Variants in MPIG6B observed in about 807,000 individuals in gnomAD.
The protein encoded by MPIG6B is megakaryocyte and platelet inhibitory receptor G6b, also known as immunoglobulin receptor.
Under a neutral mutation model 24.2 loss-of-function variants are expected in MPIG6B, and 22 were observed. The observed-to-expected ratio is 0.91, with a 90% confidence interval of 0.65 to 1.30. MPIG6B has a LOEUF of 1.30. Ranked by LOEUF, MPIG6B falls within the 50% of genes most tolerant of loss-of-function variation. The pLI is 0.00. For missense variants in MPIG6B, 301 were observed against 318.5 expected (o/e 0.94, Z 0.42); for synonymous variants, 136 against 142.0 (o/e 0.96, Z 0.30).
At position 31,723,831 on chromosome 6, in the gene MPIG6B, G is replaced by A. The variant is rs376515776; in HGVS notation, c.254G>A (p.Arg85His). ...PPLQPFVGRL[R>H]SLDSGIRRLE... ...CTCCAGCCTTTCGTCGGCCGCCTAC[G>A]CTCCCTGGACTCTGGTATCCGGCGG... Residue 85 changes from arginine to histidine, a missense_variant, in exon 2 of 6, where the codon CGC becomes CAC. Arg to His is a conservative substitution (Grantham distance 29, BLOSUM62 0). Coordinates refer to ENST00000649779, the MANE Select transcript of MPIG6B (RefSeq NM_138272.3). This position sits in a 1 kb window ranked among gnomAD's most constrained non-coding sequence, Gnocchi z 4.3. 25 of 1,613,010 alleles carry A rather than the reference G, an allele frequency of 1.5e-5. No homozygotes were observed. The highest frequency in any genetic ancestry group is 2.0e-5 in the Non-Finnish European group (24 of 1,179,628).
upstream of MPIG6B, chr6:31,721,828 T>C: frequency 1.3e-6 from 1 of 748,422 alleles, no homozygotes; most frequent in South Asian, 1.7e-5. Flanking sequence ...CCTTCTCACT[T>C]ACTACGCAGC....
Position 31,725,432 on chromosome 6 carries a change from A to G in MPIG6B, c.*358A>G. ...AAGCTCCGCCTGCCGGGTTCACACC[A>G]TTCTCCTGCCTCAGGCTCCTGAGTA... On this transcript the variant is annotated 3_prime_UTR_variant, in exon 6 of 6. Coordinates refer to ENST00000649779, the MANE Select transcript of MPIG6B (RefSeq NM_138272.3). This position sits in a 1 kb window ranked among gnomAD's most constrained non-coding sequence, Gnocchi z 5.2. The G allele has an allele frequency of 4.8e-6, 1 of 208,278 alleles. No homozygotes were observed. The highest frequency in any genetic ancestry group is 9.5e-6 in the Non-Finnish European group (1 of 105,348). The allele number at this position is 208,278 out of a possible 1,614,324, so 12.9% of individuals were successfully genotyped here.
intron 3 of MPIG6B, 28 bp from the exon 4 acceptor site, chr6:31,724,559 T>C: frequency 3.7e-6 from 6 of 1,603,594 alleles, no homozygotes; most frequent in Non-Finnish European, 5.1e-6. Context: ...AGACTGGTGG[T>C]TCTCAAAGAC....
rs1807234553 is a variant in MPIG6B at position 31,725,055 on chromosome 6, TC to T, written c.708del (p.Tyr237MetfsTer4). ...STADPADAST[I>X]YAVVV is the part of the protein sequence containing the mutation. Reference sequence around the variant, plus strand: ...GCGGACCCTGCTGATGCCTCCACCATCTATGCAGTTGTAGTTTGAAGGGAAG... The same window carrying T: ...GCGGACCCTGCTGATGCCTCCACCATTATGCAGTTGTAGTTTGAAGGGAAG... On this transcript the variant is annotated frameshift_variant, in exon 6 of 6. Transcript: ENST00000649779. LOFTEE classifies it high-confidence loss of function. This position sits in a 1 kb window ranked among gnomAD's most constrained non-coding sequence, Gnocchi z 5.2. 6.2e-7 allele frequency: 1 copy of T among 1,612,954 alleles called. No homozygotes were observed. The highest frequency in any genetic ancestry group is 1.3e-5 in the African/African-American group (1 of 74,884).
upstream of MPIG6B, chr6:31,723,292 C>G: frequency 1.9e-6 from 2 of 1,040,866 alleles, no homozygotes; most frequent in Non-Finnish European, 2.9e-6. This position sits in a 1 kb window ranked among gnomAD's most constrained non-coding sequence, Gnocchi z 4.3. Flanking sequence ...CCAGCCCCTC[C>G]GTTCTCCCCA....
At chr6:31,722,845 C>CAAAA (rs9281563), upstream of MPIG6B, among the ~76,000 whole-genome samples, 29 of 74,532 alleles carry the variant, frequency 3.9e-4, no homozygotes, top group African/African-American at 4.6e-4. Context: ...GACTCTGACT[C>CAAAA]AAAAAAAAAA....
chr6:31,724,121 C>T (rs1410952428), intron 2 of MPIG6B, 21 bp from the exon 3 acceptor site: 1 of 1,606,370 alleles, frequency 6.2e-7, no homozygotes, highest in Non-Finnish European at 8.5e-7. Flanking sequence ...AGCATCCCTC[C>T]CCGCCACGCC....
chr6:31,720,540 A>G (rs548783582), upstream of MPIG6B, among the ~76,000 whole-genome samples: 6 of 152,318 alleles, frequency 3.9e-5, 1 homozygote, highest in African/African-American at 9.6e-5. This position sits in a 1 kb window ranked among gnomAD's most constrained non-coding sequence, Gnocchi z 4.9. Flanking sequence ...CCATGGGGAA[A>G]GAATGTGGAT....
Position 31,723,761 on chromosome 6 carries a change from C to G in MPIG6B, c.184C>G (p.Pro62Ala). 6.2e-7 allele frequency: 1 copy of G among 1,613,894 alleles called. No individual in the cohort carries two copies. ...CAAGGGCCTGTCCAAAGGACGCCGA[C>G]CGATCCTGTGGGCCTCTTCGAGCGG... Reference protein sequence around the residue: ...ACKGLSKGRRPILWASSSGTP... With the variant: ...ACKGLSKGRRAILWASSSGTP... The change falls in exon 2 of 6, where the codon CCG (proline) becomes GCG (alanine). Residue 62 changes from proline to alanine, a missense_variant. Physicochemically the swap from Pro to Ala is conservative, Grantham distance 27 (BLOSUM62 -1). Transcript: ENST00000649779. This position sits in a 1 kb window ranked among gnomAD's most constrained non-coding sequence, Gnocchi z 4.3.
chr6:31,724,823 A>T lies in MPIG6B; in HGVS notation c.600A>T (p.Pro200=), dbSNP rs1268276827. Reference sequence around the variant, plus strand: ...TAAAGGAGGAAGAGCCCAAGATTCCAGGGGACCTGGACCAGGAACCGGTAA... The same window carrying T: ...TAAAGGAGGAAGAGCCCAAGATTCCTGGGGACCTGGACCAGGAACCGGTAA... The part of the protein sequence containing the change: ...RPVKEEEPKI[P]GDLDQEPSLL... Residue 200 remains proline (P), a synonymous_variant, in exon 5 of 6, where the codon CCA becomes CCT. Transcript: ENST00000649779. 1 of 1,613,774 alleles carries T rather than the reference A, an allele frequency of 6.2e-7. No individual in the cohort carries two copies. The highest frequency in any genetic ancestry group is 8.5e-7 in the Non-Finnish European group (1 of 1,179,948).
upstream of MPIG6B, among the ~76,000 whole-genome samples, chr6:31,720,739 C>T (rs1186320599): frequency 6.6e-6 from 1 of 152,126 alleles, no homozygotes; most frequent in Non-Finnish European, 1.5e-5. This position sits in a 1 kb window ranked among gnomAD's most constrained non-coding sequence, Gnocchi z 4.9. Flanking sequence ...AGGAACCAGA[C>T]CTGAATAGAA....
intron 2 of MPIG6B, 35 bp downstream of exon 2, chr6:31,724,021 C>A: frequency 6.4e-7 from 1 of 1,561,626 alleles, no homozygotes; most frequent in Non-Finnish European, 8.7e-7. Flanking sequence ...GGGTACTTAA[C>A]TCCGACACAT....
chr6:31,722,749 G>T (rs1226218504), upstream of MPIG6B, among the ~76,000 whole-genome samples: 11 of 151,320 alleles, frequency 7.3e-5, no homozygotes, highest in African/African-American at 2.7e-4. Flanking sequence ...CAGCTACTCA[G>T]GAGGCTGAGA....
upstream of MPIG6B, chr6:31,723,363 TCTC>T (rs553730767): frequency 2.2e-3 from 3,513 of 1,610,876 alleles, 20 homozygotes; most frequent in Middle Eastern, 0.011. The surrounding 1 kb of genome is among the most constrained non-coding windows in gnomAD (Gnocchi z 4.3). Context: ...GCTCGCAGCT[TCTC>T]CTCACCACAT....
upstream of MPIG6B, among the ~76,000 whole-genome samples, chr6:31,722,597 C>T (rs1388170248): frequency 1.3e-5 from 2 of 152,120 alleles, no homozygotes; most frequent in Admixed American, 6.5e-5. Context: ...TGGCTCACAC[C>T]TGTAATCTCA....
chr6:31,723,706 C>T lies in MPIG6B; in HGVS notation c.129C>T (p.Arg43=). The change falls in exon 2 of 6, where the codon CGC becomes CGT. Residue 43 remains arginine, a synonymous_variant. Transcript: ENST00000649779. This position sits in a 1 kb window ranked among gnomAD's most constrained non-coding sequence, Gnocchi z 4.3. ...LSCGGVSHPI[R]WVWAPSFPAC... is the part of the protein sequence containing the mutation. ...GCGGAGGAGTCTCTCATCCCATCCG[C>T]TGGGTCTGGGCACCCAGCTTCCCGG... The T allele has an allele frequency of 6.2e-7, 1 of 1,611,262 alleles. No individual in the cohort carries two copies. The highest frequency in any genetic ancestry group is 8.5e-7 in the Non-Finnish European group (1 of 1,179,166).
upstream of MPIG6B, chr6:31,723,319 G>T: frequency 3.8e-6 from 4 of 1,048,028 alleles, no homozygotes; most frequent in Non-Finnish European, 4.0e-6. The surrounding 1 kb of genome is among the most constrained non-coding windows in gnomAD (Gnocchi z 4.3). Flanking sequence ...ACTTCCCTCC[G>T]GTCCCCCCCC....
upstream of MPIG6B, among the ~76,000 whole-genome samples, chr6:31,722,251 A>G (rs1207663143): frequency 6.6e-6 from 1 of 151,974 alleles, no homozygotes; most frequent in Non-Finnish European, 1.5e-5. Context: ...GCAATAAGTG[A>G]CTCACTGATG....
chr6:31,723,750 A>G lies in MPIG6B; in HGVS notation c.173A>G (p.Lys58Arg), dbSNP rs368646938. The G allele has an allele frequency of 2.7e-5, 44 of 1,613,586 alleles. No homozygotes were observed. The highest frequency in any genetic ancestry group is 3.3e-4 in the Middle Eastern group (2 of 6,084). Residue 58 changes from lysine to arginine, a missense_variant, in exon 2 of 6, where the codon AAA (lysine) becomes AGA (arginine). Physicochemically the swap from Lys to Arg is conservative, Grantham distance 26. Transcript: ENST00000649779. The surrounding 1 kb of genome is among the most constrained non-coding windows in gnomAD (Gnocchi z 4.3). Reference sequence around the variant, plus strand: ...TTCCCGGCCTGCAAGGGCCTGTCCAAAGGACGCCGACCGATCCTGTGGGCC... The same window carrying G: ...TTCCCGGCCTGCAAGGGCCTGTCCAGAGGACGCCGACCGATCCTGTGGGCC... ...PSFPACKGLS[K>R]GRRPILWASS...
Sources: gnomAD v4.1 joint callset for allele counts (sites outside exome capture counted in the v4.1 genomes callset) on GRCh38, gnomAD v4.1.1 for gene constraint, Gnocchi (gnomAD v3.1) non-coding constraint, MANE v1.5 for transcripts, NCBI Gene and HGNC (gene_info 2026-07-23, HGNC 2026-07-21) for gene names.